Variants in DGKZ observed in about 807,000 individuals in gnomAD.
DGKZ encodes the protein DAG kinase zeta.
Under a neutral mutation model 142.5 loss-of-function variants are expected in DGKZ, and 45 were observed. The observed-to-expected ratio is 0.32, with a 90% CI of 0.25 to 0.40. The LOEUF (loss-of-function observed/expected upper bound fraction) is 0.40. DGKZ is among the 10% of genes least tolerant of loss of function. The pLI is 1.00. For synonymous variants in DGKZ, 442 were observed against 527.0 expected (o/e 0.84, Z 2.21); for missense variants, 755 against 1,306.5 (o/e 0.58, Z 6.51).
intron 1 of DGKZ, among the ~76,000 whole-genome samples, chr11:46,340,091 G>A (rs191476846): frequency 9.2e-5 from 14 of 152,354 alleles, no homozygotes; most frequent in Admixed American, 5.2e-4. Flanking sequence ...TAAGCAATGT[G>A]TTGAGATCAC....
At position 46,365,574 on chromosome 11, in the gene DGKZ, CT is replaced by C. The variant is rs1943158726; in HGVS notation, c.162-1716del. 13 of 985,306 alleles carry C rather than the reference CT, an allele frequency of 1.3e-5. No individual in the cohort carries two copies. The South Asian group carries it at 5.2e-4, about 39-fold the overall frequency. The allele number at this position is 985,306 out of a possible 1,614,324, so 61.0% of individuals were successfully genotyped here. ...CCAGTTCCCTGAGACCTGGTCTCCC[CT>C]GAGCTACACATTAGACCCTCTCTAT... is the stretch of plus-strand genomic sequence containing the variant. On this transcript the variant is annotated intron_variant, in intron 1 of 30. Transcript: ENST00000527911.
upstream of DGKZ, chr11:46,345,437 G>GAGCTTCC (rs1457980777): frequency 1.5e-5 from 22 of 1,467,234 alleles, no homozygotes; most frequent in Non-Finnish European, 1.9e-5. The surrounding 1 kb of genome is among the most constrained non-coding windows in gnomAD (Gnocchi z 4.1). Flanking sequence ...TGGCCACAGT[G>GAGCTTCC]CCGGGGGAAG....
At chr11:46,340,907 G>A (rs1940245228) in intron 1 of DGKZ, among the ~76,000 whole-genome samples, 1 of 152,220 alleles carries the variant, frequency 6.6e-6, no homozygotes, top group Non-Finnish European at 1.5e-5. Context: ...CCAGAATGTT[G>A]GAAGGCCAGG....
rs146222671 is a variant in DGKZ at position 46,367,699 on chromosome 11, C to T, written c.318C>T (p.Ser106=). The T allele has an allele frequency of 5.6e-5, 90 of 1,611,450 alleles. No homozygotes were observed. In the Middle Eastern group the frequency reaches 1.3e-3, roughly 24 times the overall value. Residue 106 remains serine, a synonymous_variant, in exon 3 of 31, where the codon TCC becomes TCT. Transcript: ENST00000527911. The surrounding 1 kb of genome is among the most constrained non-coding windows in gnomAD (Gnocchi z 4.1). The stretch of plus-strand genomic sequence containing the variant: ...ACATCTGGTTCGAGACCAACGTGTC[C>T]GGGGACTTCTGCTACGTTGGGGAGC...
intron 1 of DGKZ, among the ~76,000 whole-genome samples, chr11:46,360,751 A>C (rs1942551870): frequency 6.6e-6 from 1 of 151,762 alleles, no homozygotes; most frequent in Non-Finnish European, 1.5e-5. Flanking sequence ...ACGCCATTGC[A>C]CTCCAGCCTG....
chr11:46,343,144 C>CA (rs1564993597), upstream of DGKZ, among the ~76,000 whole-genome samples: 1 of 150,902 alleles, frequency 6.6e-6, no homozygotes, highest in African/African-American at 2.4e-5. Flanking sequence ...AAAAAAAAAG[C>CA]AAAAAAAGGA....
intron 1 of DGKZ, among the ~76,000 whole-genome samples, chr11:46,350,833 G>A (rs1941282553): frequency 6.6e-6 from 1 of 151,672 alleles, no homozygotes; most frequent in South Asian, 2.1e-4. Context: ...TCAGAATCGG[G>A]GGGTGGCAGC....
At chr11:46,365,218 T>G (rs2136454424) in intron 1 of DGKZ, 1 of 985,364 alleles carries the variant, frequency 1.0e-6, no homozygotes, top group East Asian at 1.1e-4. Flanking sequence ...AGCTCTGGGC[T>G]GTGCAGCGTT....
In DGKZ at chr11:46,369,264, A is replaced by C. The variant is rs1017032769; in HGVS notation, c.445-230A>C. The C allele has an allele frequency of 5.0e-6, 3 of 600,078 alleles. No individual in the cohort carries two copies. In the African/African-American group the frequency reaches 5.5e-5, roughly 11 times the overall value. The allele number at this position is 600,078 out of a possible 1,614,324, so 37.2% of individuals were successfully genotyped here. ...ACCCAAAGCTCCCAACCTCCCCCTCATCCTGGGTCCTGGGTGGAAGAAGGA... is the reference window on the plus strand; with the variant it reads ...ACCCAAAGCTCCCAACCTCCCCCTCCTCCTGGGTCCTGGGTGGAAGAAGGA... On this transcript the variant is annotated intron_variant, in intron 4 of 30. Coordinates refer to ENST00000527911, the Ensembl canonical transcript of DGKZ.
intron 1 of DGKZ, chr11:46,366,942 G>C: frequency 6.5e-7 from 1 of 1,539,098 alleles, no homozygotes. Context: ...GTAGCCCTAC[G>C]GCGCAAGGCG....
intron 1 of DGKZ, among the ~76,000 whole-genome samples, chr11:46,352,956 C>G (rs566699558): frequency 3.3e-5 from 5 of 152,334 alleles, no homozygotes; most frequent in African/African-American, 1.2e-4. Flanking sequence ...TGCCATCTTT[C>G]CTCTTCACCC....
At chr11:46,377,521 A>G in intron 25 of DGKZ, 1 of 420,636 alleles carries the variant, frequency 2.4e-6, no homozygotes, top group Non-Finnish European at 4.2e-6. Context: ...CCCGGCTGCC[A>G]CGCCCTGGCC....
intron 1 of DGKZ, chr11:46,366,471 G>A (rs766092714): frequency 3.3e-5 from 51 of 1,565,586 alleles, no homozygotes; most frequent in Non-Finnish European, 4.4e-5. Flanking sequence ...GGTTCCAGCC[G>A]CCGGCGCTCC....
chr11:46,333,536 C>T, intron 1 of DGKZ: 2 of 1,493,980 alleles, frequency 1.3e-6, no homozygotes, highest in Non-Finnish European at 1.8e-6. Context: ...GACCACCCCT[C>T]TTGCAGGCGT....
intron 1 of DGKZ, among the ~76,000 whole-genome samples, chr11:46,362,190 C>T (rs576408651): frequency 2.0e-5 from 3 of 152,288 alleles, no homozygotes; most frequent in Admixed American, 1.3e-4. Flanking sequence ...GGTGGGGTCG[C>T]CATGCACCAT....
chr11:46,339,055 A>C (rs1252346157), intron 1 of DGKZ, among the ~76,000 whole-genome samples: 1 of 152,238 alleles, frequency 6.6e-6, no homozygotes. Context: ...GCATGCGCGC[A>C]TGTCCCAGCC....
intron 24 of DGKZ, 184 bp from the exon 25 acceptor site, chr11:46,376,884 AGTCTG>A (rs1190751661): frequency 6.2e-6 from 4 of 649,964 alleles, no homozygotes; most frequent in Non-Finnish European, 1.1e-5. Context: ...CACCTGGTAA[AGTCTG>A]GGCAGTCGGA....
chr11:46,354,674 C>T (rs555713340), intron 1 of DGKZ, among the ~76,000 whole-genome samples: 3 of 152,172 alleles, frequency 2.0e-5, no homozygotes, highest in Admixed American at 6.5e-5. Context: ...CTGGAGGAAA[C>T]CACAATTCTG....
upstream of DGKZ, chr11:46,345,397 G>C: frequency 7.0e-7 from 1 of 1,424,948 alleles, no homozygotes; most frequent in East Asian, 3.0e-5. The surrounding 1 kb of genome is among the most constrained non-coding windows in gnomAD (Gnocchi z 4.1). Flanking sequence ...GAGGAAGAGA[G>C]TCGCCGGGCA....
Sources: allele counts gnomAD v4.1 joint callset (sites outside exome capture counted in the v4.1 genomes callset), GRCh38; gene constraint gnomAD v4.1.1; non-coding constraint Gnocchi (gnomAD v3.1); transcripts MANE v1.5; gene names NCBI Gene and HGNC (gene_info 2026-07-23, HGNC 2026-07-21).